GPC5: variants seen among roughly 807,000 people sequenced by gnomAD.
GPC5 encodes the protein glypican 5.
Under a neutral mutation model 53.9 loss-of-function variants are expected in GPC5, and 47 were observed. The observed-to-expected ratio is 0.87, with a 90% CI of 0.69 to 1.11. The LOEUF (loss-of-function observed/expected upper bound fraction) is 1.11. Ranked by LOEUF, GPC5 falls within the 50% of genes most tolerant of loss-of-function variation. The probability of loss-of-function intolerance (pLI) is 0.00; values close to 1 mark genes in which losing one functional copy is unlikely to be tolerated. For synonymous variants in GPC5, 286 were observed against 263.3 expected, an observed-to-expected ratio of 1.09 and a Z score of -0.84; for missense variants, 748 against 713.1, an observed-to-expected ratio of 1.05 and a Z score of -0.56.
At chr13:91,998,977 A>C (rs932686548) in intron 6 of GPC5, among the ~76,000 whole-genome samples, 1 of 152,194 alleles carries the variant, frequency 6.6e-6, no homozygotes, top group African/African-American at 2.4e-5. Context: ...TTCTTACTAG[A>C]ACTAGCAGAA....
chr13:92,771,080 C>G (rs1011938649), intron 7 of GPC5, among the ~76,000 whole-genome samples: 8 of 152,048 alleles, frequency 5.3e-5, no homozygotes, highest in African/African-American at 1.9e-4. Context: ...CACATACTGC[C>G]GAGTGGGTGG....
At chr13:92,609,315 G>T (rs1200714080) in intron 7 of GPC5, among the ~76,000 whole-genome samples, 2 of 152,036 alleles carry the variant, frequency 1.3e-5, no homozygotes, top group African/African-American at 4.8e-5. Context: ...GTTGGTTGGG[G>T]AATACATAGG....
intron 4 of GPC5, among the ~76,000 whole-genome samples, chr13:91,734,425 A>G (rs914865068): frequency 1.3e-5 from 2 of 151,312 alleles, no homozygotes; most frequent in Non-Finnish European, 2.9e-5. Context: ...GAATGTCCCA[A>G]TGTGAGACAG....
chr13:92,864,934 T>C (rs2138858940), intron 7 of GPC5, among the ~76,000 whole-genome samples: 1 of 152,298 alleles, frequency 6.6e-6, no homozygotes, highest in African/African-American at 2.4e-5. Flanking sequence ...TCAATCTCTC[T>C]GTAATTACCA....
intron 7 of GPC5, among the ~76,000 whole-genome samples, chr13:92,541,880 A>AT (rs969649359): frequency 1.3e-5 from 2 of 151,798 alleles, no homozygotes; most frequent in East Asian, 1.9e-4. Context: ...CAAAGACATT[A>AT]TTTTTTTTAC....
intron 5 of GPC5, among the ~76,000 whole-genome samples, chr13:91,839,873 A>G (rs7986386): frequency 0.47 from 70,880 of 151,902 alleles, 17,382 homozygotes; most frequent in East Asian, 0.86. Context: ...AAGTTCATAC[A>G]CAATTCCATG....
At chr13:92,100,330 A>G (rs2041455540) in intron 6 of GPC5, among the ~76,000 whole-genome samples, 2 of 152,136 alleles carry the variant, frequency 1.3e-5, no homozygotes, top group African/African-American at 4.8e-5. Context: ...TTAACCTGGG[A>G]GGCAGAGGTT....
chr13:91,495,916 G>T (rs2139272946), intron 2 of GPC5, among the ~76,000 whole-genome samples: 1 of 152,216 alleles, frequency 6.6e-6, no homozygotes, highest in Non-Finnish European at 1.5e-5. Flanking sequence ...CCAGCTACTT[G>T]GGAAGCTGAG....
At chr13:91,753,610 A>G (rs2037226260) in intron 4 of GPC5, among the ~76,000 whole-genome samples, 1 of 152,156 alleles carries the variant, frequency 6.6e-6, no homozygotes, top group Admixed American at 6.5e-5. Flanking sequence ...TGGAAAACTT[A>G]ATGGTTCCAA....
chr13:92,238,133 G>A (rs1346120926), intron 7 of GPC5, among the ~76,000 whole-genome samples: 2 of 151,826 alleles, frequency 1.3e-5, no homozygotes, highest in Admixed American at 6.6e-5. Context: ...GAATATTTAT[G>A]TACATATTTT....
At chr13:91,752,630 C>T (rs534885939) in intron 4 of GPC5, among the ~76,000 whole-genome samples, 3 of 152,242 alleles carry the variant, frequency 2.0e-5, no homozygotes, top group Admixed American at 6.5e-5. Context: ...TTTCTTCCTT[C>T]GTTCTTTTCA....
intron 7 of GPC5, among the ~76,000 whole-genome samples, chr13:92,693,038 CA>C (rs1887458985): frequency 6.6e-6 from 1 of 152,002 alleles, no homozygotes; most frequent in South Asian, 2.1e-4. Context: ...AAGTGTTTGG[CA>C]GTTCCTAGCT....
chr13:91,639,269 A>G (rs1199256097), intron 2 of GPC5, among the ~76,000 whole-genome samples: 2 of 152,218 alleles, frequency 1.3e-5, no homozygotes, highest in Admixed American at 6.5e-5. Flanking sequence ...TGAGAAAAAA[A>G]TAGCAGTGTG....
intron 6 of GPC5, among the ~76,000 whole-genome samples, chr13:92,046,685 A>C (rs2138831961): frequency 6.6e-6 from 1 of 152,348 alleles, no homozygotes; most frequent in Non-Finnish European, 1.5e-5. Flanking sequence ...ATCTTATTAA[A>C]AAATCCTACA....
chr13:92,244,377 G>T (rs9589458), intron 7 of GPC5, among the ~76,000 whole-genome samples: 1 of 152,064 alleles, frequency 6.6e-6, no homozygotes, highest in African/African-American at 2.4e-5. Context: ...AGAGTGTAAC[G>T]AAACCTCATA....
At chr13:91,958,279 GA>G (rs59523811) in intron 6 of GPC5, among the ~76,000 whole-genome samples, 12,807 of 141,262 alleles carry the variant, frequency 0.091, 642 homozygotes, top group African/African-American at 0.16. Flanking sequence ...ACTGTAAAAA[GA>G]AAAAAAAAAA....
At chr13:91,614,004 C>T (rs546664370) in intron 2 of GPC5, among the ~76,000 whole-genome samples, 3 of 152,248 alleles carry the variant, frequency 2.0e-5, no homozygotes, top group African/African-American at 4.8e-5. Context: ...GATGGTACTT[C>T]GAACAGAGTG....
At chr13:92,332,754 T>C (rs2043297118) in intron 7 of GPC5, among the ~76,000 whole-genome samples, 1 of 152,198 alleles carries the variant, frequency 6.6e-6, no homozygotes, top group Admixed American at 6.5e-5. Context: ...CCAATCACCC[T>C]GTTATACTGA....
intron 5 of GPC5, among the ~76,000 whole-genome samples, chr13:91,888,047 A>G (rs1443166691): frequency 6.6e-6 from 1 of 152,114 alleles, no homozygotes; most frequent in Non-Finnish European, 1.5e-5. Flanking sequence ...TTGTACTGCT[A>G]TGAAGAAATA....
Sources: allele counts gnomAD v4.1 joint callset (sites outside exome capture counted in the v4.1 genomes callset), GRCh38; gene constraint gnomAD v4.1.1; transcripts MANE v1.5; gene names NCBI Gene and HGNC (gene_info 2026-07-23, HGNC 2026-07-21).